Variants in HDGFL3 observed in about 807,000 individuals in gnomAD.
HDGFL3 encodes the protein HDGF like 3.
HDGFL3 carries 6 observed loss-of-function variants against 27.6 expected under a neutral mutation model. The observed-to-expected ratio is 0.22, with a 90% CI of 0.12 to 0.43. The LOEUF (loss-of-function observed/expected upper bound fraction) is 0.43, where lower values mean the gene tolerates loss of function less well. HDGFL3 is among the 20% of genes least tolerant of loss of function. HDGFL3 has a pLI of 1.00. For missense variants in HDGFL3, 207 were observed against 250.1 expected (o/e 0.83, Z 1.16); for synonymous variants, 88 against 88.9 (o/e 0.99, Z 0.05).
At chr15:83,177,665 A>G (rs2151413942) in intron 1 of HDGFL3, among the ~76,000 whole-genome samples, 1 of 152,328 alleles carries the variant, frequency 6.6e-6, no homozygotes, top group South Asian at 2.1e-4. Context: ...TAAGATAGAA[A>G]TATAAAAACA....
chr15:83,159,046 G>A (rs1324742320), intron 2 of HDGFL3, among the ~76,000 whole-genome samples: 1 of 152,024 alleles, frequency 6.6e-6, no homozygotes, highest in Non-Finnish European at 1.5e-5. Flanking sequence ...TCGCCACATT[G>A]GTCAGGCTGG....
intron 5 of HDGFL3, among the ~76,000 whole-genome samples, chr15:83,150,924 A>G (rs1334779868): frequency 6.6e-6 from 1 of 152,206 alleles, no homozygotes; most frequent in Non-Finnish European, 1.5e-5. Flanking sequence ...GTGGCATTTC[A>G]TAATTTCAGT....
chr15:83,122,888 T>G (rs1167033588), downstream of HDGFL3: 2 of 1,613,838 alleles, frequency 1.2e-6, no homozygotes, highest in Non-Finnish European at 1.7e-6. Flanking sequence ...GGTGATTTTA[T>G]TAAGCTTTGA....
chr15:83,198,592 C>T lies in HDGFL3; in HGVS notation c.84+8739G>A, dbSNP rs551920417. 8.5e-5 allele frequency among the ~76,000 whole-genome samples: 13 copies of T among 152,250 alleles called. No individual in the cohort carries two copies. In the East Asian group the frequency reaches 2.1e-3, roughly 25 times the overall value. ...TATAAAGAAAACAGGCTTTATTTAG[C>T]TCATGGTTCTGCAGGCTGGAAAGTA... On this transcript the variant is annotated intron_variant, in intron 1 of 5. Coordinates refer to ENST00000299633, the MANE Select transcript of HDGFL3 (RefSeq NM_016073.4).
At position 83,187,382 on chromosome 15, in the gene HDGFL3, TCTCA is replaced by T. The variant is rs543025986; in HGVS notation, c.84+19945_84+19948del. 1.3e-4 allele frequency among the ~76,000 whole-genome samples: 20 copies of T among 152,230 alleles called. No individual in the cohort carries two copies. In the South Asian group the frequency reaches 3.1e-3, roughly 24 times the overall value. ...GAACTACTCTCTGTGTGTGTCTCTCTCTCAAACACACACCACCACAAATACACAC... is the reference window on the plus strand; with the variant it reads ...GAACTACTCTCTGTGTGTGTCTCTCTAACACACACCACCACAAATACACAC... On this transcript the variant is annotated intron_variant, in intron 1 of 5. Coordinates refer to ENST00000299633, the MANE Select transcript of HDGFL3 (RefSeq NM_016073.4).
intron 1 of HDGFL3, among the ~76,000 whole-genome samples, chr15:83,178,075 T>A (rs1389544244): frequency 6.6e-6 from 1 of 152,222 alleles, no homozygotes; most frequent in East Asian, 1.9e-4. Context: ...TACTGAAAGC[T>A]GTGAAGGTTT....
intron 1 of HDGFL3, among the ~76,000 whole-genome samples, chr15:83,203,726 T>C (rs1413269520): frequency 6.6e-6 from 1 of 151,890 alleles, no homozygotes; most frequent in African/African-American, 2.4e-5. Context: ...GTATTATTAC[T>C]GTTAACGATA....
At chr15:83,206,991 GC>G in intron 1 of HDGFL3, among the ~76,000 whole-genome samples, 1 of 152,202 alleles carries the variant, frequency 6.6e-6, no homozygotes. Flanking sequence ...CAATGACCCT[GC>G]CCGGAGCCGA....
rs1346705248 is a variant in HDGFL3 at position 83,157,886 on chromosome 15, A to G, written c.300+17T>C. The stretch of plus-strand genomic sequence containing the variant: ...AAGAAATGAGATATAGCAAGTGACA[A>G]GGAAGTAAACCATTACCTGGTAGCC... On this transcript the variant is annotated intron_variant, in intron 3 of 5. Transcript: ENST00000299633. The G allele has an allele frequency of 6.2e-7, 1 of 1,606,156 alleles. No homozygotes were observed. Among genetic ancestry groups the G allele is most frequent in the Non-Finnish European group, 8.5e-7 (1 of 1,176,144 alleles).
chr15:83,193,152 G>C (rs574720457), intron 1 of HDGFL3, among the ~76,000 whole-genome samples: 1 of 152,102 alleles, frequency 6.6e-6, no homozygotes, highest in Non-Finnish European at 1.5e-5. Flanking sequence ...AAAGCAATCC[G>C]TGCAATGGGA....
At chr15:83,119,843 A>G (rs1596489900) in intron 3 of HDGFL3, 4 of 1,111,772 alleles carry the variant, frequency 3.6e-6, no homozygotes, top group South Asian at 3.5e-5. Context: ...TCCTTGTACC[A>G]CTGCCTTTTG....
chr15:83,197,940 C>A (rs2037591713), intron 1 of HDGFL3, among the ~76,000 whole-genome samples: 2 of 141,366 alleles, frequency 1.4e-5, no homozygotes, highest in Admixed American at 1.5e-4. Context: ...GAGGCTGAGG[C>A]AGGAGAACCT....
intron 2 of HDGFL3, 161 bp downstream of exon 2, chr15:83,163,838 T>C (rs1261747840): frequency 1.0e-5 from 6 of 583,944 alleles, no homozygotes; most frequent in South Asian, 2.1e-5. Context: ...ACTTCTATCA[T>C]GAAAACTATT....
intron 1 of HDGFL3, among the ~76,000 whole-genome samples, chr15:83,168,232 C>T (rs1460059124): frequency 6.6e-6 from 1 of 152,108 alleles, no homozygotes; most frequent in Non-Finnish European, 1.5e-5. Context: ...AATGATCTAA[C>T]ATCTTCCCCG....
downstream of HDGFL3, chr15:83,124,596 T>C: frequency 1.8e-6 from 2 of 1,112,146 alleles, no homozygotes. Flanking sequence ...TCCATCATCA[T>C]GACATTTAAT....
chr15:83,183,284 T>C (rs1167699431), intron 1 of HDGFL3, among the ~76,000 whole-genome samples: 2 of 151,926 alleles, frequency 1.3e-5, no homozygotes, highest in East Asian at 3.9e-4. Flanking sequence ...AAGAAACCAA[T>C]AATAATATAC....
rs535249266 is a variant in HDGFL3 at position 83,157,458 on chromosome 15, T to A, written c.416A>T (p.Asn139Ile). The A allele has an allele frequency of 1.2e-6, 2 of 1,613,724 alleles. No individual in the cohort carries two copies. Among genetic ancestry groups the A allele is most frequent in the Admixed American group, 3.3e-5 (2 of 60,028 alleles). ...VEEDGKGKRKNEKAGSKRKKS... is the reference protein window; with the variant it reads ...VEEDGKGKRKIEKAGSKRKKS... ...TTTCCGTTTTGAGCCTGCTTTTTCA[T>A]TCTTTCTTTTGCCTTTTCCATCTTC... is the stretch of plus-strand genomic sequence containing the variant. Residue 139 changes from asparagine (N) to isoleucine (I), a missense_variant, in exon 4 of 6, where the codon AAT becomes ATT. Transcript: ENST00000299633.
intron 1 of HDGFL3, among the ~76,000 whole-genome samples, chr15:83,202,230 C>A (rs1196423763): frequency 6.6e-6 from 1 of 152,050 alleles, no homozygotes; most frequent in South Asian, 2.1e-4. Context: ...AAAAACTATA[C>A]CCCTGTGCCT....
chr15:83,203,982 G>A (rs1295452992), intron 1 of HDGFL3, among the ~76,000 whole-genome samples: 1 of 146,632 alleles, frequency 6.8e-6, no homozygotes, highest in Non-Finnish European at 1.5e-5. Flanking sequence ...TAACATAGAT[G>A]AACTTCTAAT....
Sources: gnomAD v4.1 joint callset for allele counts (sites outside exome capture counted in the v4.1 genomes callset) on GRCh38, gnomAD v4.1.1 for gene constraint, MANE v1.5 for transcripts, NCBI Gene and HGNC (gene_info 2026-07-23, HGNC 2026-07-21) for gene names.